MYRIP: variants seen among roughly 807,000 people sequenced by gnomAD.
MYRIP encodes rab effector MyRIP.
Under a neutral mutation model 98.0 loss-of-function variants are expected in MYRIP, and 49 were observed. The observed-to-expected ratio is 0.50, with a 90% CI of 0.40 to 0.63. MYRIP has a LOEUF of 0.63. MYRIP is among the 30% of genes least tolerant of loss of function. The pLI, the probability that MYRIP is intolerant of heterozygous loss-of-function variation, is 0.00. For synonymous variants in MYRIP, 404 were observed against 409.5 expected, an observed-to-expected ratio of 0.99 and a Z score of 0.16; for missense variants, 1,004 against 1,058.2, an observed-to-expected ratio of 0.95 and a Z score of 0.71.
At chr3:39,873,643 A>G (rs1942879951) in intron 1 of MYRIP, among the ~76,000 whole-genome samples, 1 of 152,110 alleles carries the variant, frequency 6.6e-6, no homozygotes, top group Non-Finnish European at 1.5e-5. Context: ...AAGATCAGAT[A>G]GTTGTAGATA....
At chr3:40,039,119 C>G (rs1256089039) in intron 2 of MYRIP, among the ~76,000 whole-genome samples, 1 of 152,060 alleles carries the variant, frequency 6.6e-6, no homozygotes, top group Non-Finnish European at 1.5e-5. Context: ...ACCCTTAAAC[C>G]ATTGGTAATA....
chr3:40,166,168 T>C (rs2125593427), intron 5 of MYRIP, among the ~76,000 whole-genome samples: 1 of 152,370 alleles, frequency 6.6e-6, no homozygotes, highest in African/African-American at 2.4e-5. Flanking sequence ...ATAGAGTTTA[T>C]ATTTGCATTA....
At chr3:40,211,972 A>G (rs1220534873) in intron 11 of MYRIP, among the ~76,000 whole-genome samples, 1 of 151,674 alleles carries the variant, frequency 6.6e-6, no homozygotes, top group Non-Finnish European at 1.5e-5. Context: ...CTTTATTCAG[A>G]TTCCCGAATG....
chr3:40,068,855 C>T (rs1462404194), intron 3 of MYRIP, among the ~76,000 whole-genome samples: 3 of 152,188 alleles, frequency 2.0e-5, no homozygotes, highest in Admixed American at 6.5e-5. Context: ...AGTTGCAGGG[C>T]GGAACATTCA....
At chr3:39,970,101 T>TCCA (rs1945543667) in intron 2 of MYRIP, 1 of 151,954 alleles carries the variant, frequency 6.6e-6, no homozygotes, top group Non-Finnish European at 1.5e-5. Context: ...AGTTTGTGTG[T>TCCA]TCGTTACTCT....
chr3:39,861,478 G>A (rs34879588), intron 1 of MYRIP, among the ~76,000 whole-genome samples: 9 of 152,132 alleles, frequency 5.9e-5, no homozygotes, highest in Admixed American at 3.9e-4. Flanking sequence ...TGCAACAGTG[G>A]TTCTTAACCA....
intron 2 of MYRIP, among the ~76,000 whole-genome samples, chr3:39,941,848 A>C (rs184959919): frequency 6.6e-6 from 1 of 152,218 alleles, no homozygotes; most frequent in East Asian, 1.9e-4. Context: ...CTTAAAATTT[A>C]TTTCTAAAAG....
Position 39,900,799 on chromosome 3 carries a change from C to T in MYRIP, c.-18C>T. Reference sequence around the variant, plus strand: ...TTTGGTTTCCCAGGTCTTGTTTCATCATCTGTGTTGAGTAACCATGGGGAG... The same window carrying T: ...TTTGGTTTCCCAGGTCTTGTTTCATTATCTGTGTTGAGTAACCATGGGGAG... On this transcript the variant is annotated 5_prime_UTR_variant, in exon 2 of 17. Coordinates refer to ENST00000302541, the MANE Select transcript of MYRIP (RefSeq NM_015460.4). 1.3e-6 allele frequency: 2 copies of T among 1,594,226 alleles called. No homozygotes were observed. The highest frequency in any genetic ancestry group is 1.7e-6 in the Non-Finnish European group (2 of 1,165,198).
Position 40,167,240 on chromosome 3 carries a change from G to A in MYRIP, c.729+1G>A, listed in dbSNP as rs1021718645. ...ACTGGCCACGACAATCCTGCAGAAG[G>A]TAGGTGGGTCCTGGCAGTGGGATGG... On this transcript the variant is annotated splice_donor_variant, in intron 7 of 16. Transcript: ENST00000302541. LOFTEE classifies it high-confidence loss of function. 2 of 1,614,102 alleles carry A rather than the reference G, an allele frequency of 1.2e-6. 1 individual carries two copies. Among genetic ancestry groups the A allele is most frequent in the South Asian group, 2.2e-5 (2 of 91,078 alleles).
intron 8 of MYRIP, among the ~76,000 whole-genome samples, chr3:40,171,023 C>T (rs572820189): frequency 8.4e-4 from 128 of 152,272 alleles, no homozygotes; most frequent in Admixed American, 1.2e-3. Context: ...AGATGCACAA[C>T]GGTTACAAGG....
At chr3:40,110,383 A>T (rs528846159) in intron 3 of MYRIP, among the ~76,000 whole-genome samples, 1 of 152,386 alleles carries the variant, frequency 6.6e-6, no homozygotes, top group African/African-American at 2.4e-5. Context: ...AAGCAAGTCT[A>T]GTTTAGAGGC....
intron 1 of MYRIP, among the ~76,000 whole-genome samples, chr3:39,811,673 G>A (rs1397561384): frequency 6.6e-6 from 1 of 151,474 alleles, no homozygotes; most frequent in Non-Finnish European, 1.5e-5. Flanking sequence ...GAGGCTGTGT[G>A]TGTGTGTGTT....
chr3:40,046,262 C>A (rs866352170), intron 3 of MYRIP, among the ~76,000 whole-genome samples: 1 of 151,956 alleles, frequency 6.6e-6, no homozygotes. Context: ...TGATTCTGCA[C>A]CTACCAAGTT....
intron 3 of MYRIP, among the ~76,000 whole-genome samples, chr3:40,113,469 C>T (rs1949203637): frequency 6.6e-6 from 1 of 152,086 alleles, no homozygotes; most frequent in South Asian, 2.1e-4. Context: ...TTAAAAAGAC[C>T]TCAGTCCATG....
chr3:39,843,467 A>C (rs1941867342), intron 1 of MYRIP, among the ~76,000 whole-genome samples: 2 of 152,198 alleles, frequency 1.3e-5, no homozygotes, highest in African/African-American at 4.8e-5. Context: ...ATCAGATTAG[A>C]GAGGTGCTTT....
Position 40,007,343 on chromosome 3 carries a change from TAA to T in MYRIP, c.111-36696_111-36695del, listed in dbSNP as rs5848544. Reference sequence around the variant, plus strand: ...ACTTTGCATTAGTTTAAATATATGTTAAAAAAAAAAAACCACACATGGAGAAT... The same window carrying T: ...ACTTTGCATTAGTTTAAATATATGTTAAAAAAAAAACCACACATGGAGAAT... On this transcript the variant is annotated intron_variant, in intron 2 of 16. Transcript: ENST00000302541. Among the ~76,000 whole-genome samples, 567 of 148,644 alleles carry T rather than the reference TAA, an allele frequency of 3.8e-3. 14 individuals carry two copies. Among genetic ancestry groups the T allele is most frequent in the Admixed American group, 0.029 (437 of 14,930 alleles).
At chr3:40,251,833 A>G (rs1477817431) in intron 15 of MYRIP, 48 bp from the exon 16 acceptor site, 1 of 1,308,248 alleles carries the variant, frequency 7.6e-7, no homozygotes, top group Non-Finnish European at 1.1e-6. Flanking sequence ...TTAACAATCA[A>G]TCAGTCCATC....
intron 2 of MYRIP, among the ~76,000 whole-genome samples, chr3:39,960,421 T>C (rs998463374): frequency 6.6e-6 from 1 of 152,188 alleles, no homozygotes; most frequent in Admixed American, 6.6e-5. Flanking sequence ...CAAAGTTTAA[T>C]AATAGCATGC....
At chr3:40,183,898 T>G (rs1041946222) in intron 9 of MYRIP, among the ~76,000 whole-genome samples, 3 of 152,170 alleles carry the variant, frequency 2.0e-5, no homozygotes, top group Non-Finnish European at 2.9e-5. Flanking sequence ...AGAAACAAAA[T>G]CCATTGTTAC....
Sources: gnomAD v4.1 joint callset for allele counts (sites outside exome capture counted in the v4.1 genomes callset) on GRCh38, gnomAD v4.1.1 for gene constraint, MANE v1.5 for transcripts, NCBI Gene and HGNC (gene_info 2026-07-23, HGNC 2026-07-21) for gene names.